KCNN2: variants seen among roughly 807,000 people sequenced by gnomAD.
The protein encoded by KCNN2 is small conductance calcium-activated potassium channel protein 2.
Under a neutral mutation model 55.5 loss-of-function variants are expected in KCNN2, and 24 were observed. The ratio of observed to expected loss-of-function variants is 0.43; its 90% CI spans 0.31 to 0.61. The LOEUF is 0.61. Ranked by LOEUF, KCNN2 falls within the 20% of genes least tolerant of loss-of-function variation. The pLI is 0.08. For synonymous variants in KCNN2, 431 were observed against 336.1 expected, an observed-to-expected ratio of 1.28 and a Z score of -3.09; for missense variants, 754 against 853.6, an observed-to-expected ratio of 0.88 and a Z score of 1.45.
chr5:114,160,114 C>A (rs542040979), intron 1 of KCNN2, among the ~76,000 whole-genome samples: 2 of 152,174 alleles, frequency 1.3e-5, no homozygotes, highest in Non-Finnish European at 2.9e-5. Flanking sequence ...AATTTTAGGT[C>A]TTTCCTGCTT....
At chr5:114,129,447 A>G (rs973306579) in intron 1 of KCNN2, among the ~76,000 whole-genome samples, 2 of 152,244 alleles carry the variant, frequency 1.3e-5, no homozygotes, top group Non-Finnish European at 2.9e-5. Context: ...ATAAGGTAAC[A>G]AGAAGAAAAA....
intron 2 of KCNN2, among the ~76,000 whole-genome samples, chr5:114,253,905 C>T (rs1377048827): frequency 2.6e-5 from 4 of 152,068 alleles, no homozygotes; most frequent in African/African-American, 9.7e-5. Context: ...CCTTATGATG[C>T]AATTAATCTG....
At chr5:114,319,923 A>G (rs1756580945) in intron 2 of KCNN2, among the ~76,000 whole-genome samples, 1 of 152,222 alleles carries the variant, frequency 6.6e-6, no homozygotes, top group Admixed American at 6.5e-5. Flanking sequence ...AGTCAAAGGA[A>G]GGAATCCAGT....
intron 1 of KCNN2, among the ~76,000 whole-genome samples, chr5:114,130,709 C>A (rs1304864030): frequency 1.3e-5 from 2 of 152,116 alleles, no homozygotes; most frequent in Admixed American, 6.6e-5. Flanking sequence ...AGGTTATATA[C>A]TTCATAATTT....
chr5:114,449,023 A>T (rs1760534500), intron 3 of KCNN2, among the ~76,000 whole-genome samples: 1 of 152,194 alleles, frequency 6.6e-6, no homozygotes, highest in Non-Finnish European at 1.5e-5. Context: ...TGGAGATTGA[A>T]GTGCTAGTGT....
At chr5:114,280,082 G>C (rs1414356323) in intron 2 of KCNN2, among the ~76,000 whole-genome samples, 1 of 152,118 alleles carries the variant, frequency 6.6e-6, no homozygotes, top group Non-Finnish European at 1.5e-5. Flanking sequence ...GTGTCTTTTG[G>C]CTGCATAAAT....
chr5:114,339,846 T>A (rs185323988), intron 2 of KCNN2, among the ~76,000 whole-genome samples: 8 of 151,328 alleles, frequency 5.3e-5, no homozygotes, highest in Admixed American at 2.6e-4. Context: ...AATAAATAAA[T>A]AAAAATGCAT....
chr5:114,410,987 G>T (rs1464171925), intron 3 of KCNN2, among the ~76,000 whole-genome samples: 7 of 152,060 alleles, frequency 4.6e-5, no homozygotes, highest in African/African-American at 1.7e-4. Flanking sequence ...AATACCTTTG[G>T]ATAATCTAAA....
chr5:114,094,896 A>G (rs1334707410), intron 1 of KCNN2, among the ~76,000 whole-genome samples: 1 of 152,028 alleles, frequency 6.6e-6, no homozygotes, highest in African/African-American at 2.4e-5. Flanking sequence ...TTATAATTCA[A>G]TCCTGCTTTT....
At chr5:114,104,014 T>G (rs571516407) in intron 1 of KCNN2, among the ~76,000 whole-genome samples, 24 of 152,278 alleles carry the variant, frequency 1.6e-4, no homozygotes, top group Non-Finnish European at 2.6e-4. Flanking sequence ...CAGCTCCTCT[T>G]TTTAGCTCTG....
intron 5 of KCNN2, among the ~76,000 whole-genome samples, chr5:114,474,593 T>A (rs1409440183): frequency 1.3e-5 from 2 of 152,164 alleles, no homozygotes; most frequent in Admixed American, 1.3e-4. Flanking sequence ...GAGATAAAAA[T>A]ATGTGCATAT....
chr5:114,137,808 A>G (rs1429998804), intron 1 of KCNN2, among the ~76,000 whole-genome samples: 1 of 152,148 alleles, frequency 6.6e-6, no homozygotes, highest in Non-Finnish European at 1.5e-5. Context: ...AGTGTAGAAA[A>G]TAATATTTTA....
At chr5:114,120,410 G>T (rs192039235) in intron 1 of KCNN2, among the ~76,000 whole-genome samples, 1 of 152,240 alleles carries the variant, frequency 6.6e-6, no homozygotes, top group East Asian at 1.9e-4. Flanking sequence ...GGTTTCTCTG[G>T]TTTTGAAACC....
At chr5:114,115,555 T>C (rs988191759) in intron 1 of KCNN2, among the ~76,000 whole-genome samples, 3 of 152,084 alleles carry the variant, frequency 2.0e-5, no homozygotes, top group African/African-American at 7.2e-5. Flanking sequence ...GATAGGGAAA[T>C]GTCAGATTCT....
intron 2 of KCNN2, among the ~76,000 whole-genome samples, chr5:114,345,073 A>G (rs537002993): frequency 6.6e-6 from 1 of 152,302 alleles, no homozygotes; most frequent in Non-Finnish European, 1.5e-5. Flanking sequence ...AACAACTTGA[A>G]TGTCCCAAAA....
At chr5:114,260,936 G>C (rs1755095701) in intron 2 of KCNN2, among the ~76,000 whole-genome samples, 1 of 152,052 alleles carries the variant, frequency 6.6e-6, no homozygotes, top group South Asian at 2.1e-4. Flanking sequence ...GAAGGAAGAG[G>C]AAAAAAGAAG....
At chr5:114,093,063 AG>A (rs1751179638) in intron 1 of KCNN2, among the ~76,000 whole-genome samples, 1 of 152,146 alleles carries the variant, frequency 6.6e-6, no homozygotes, top group Non-Finnish European at 1.5e-5. Flanking sequence ...TCACATTGTC[AG>A]GATGCAGATT....
chr5:114,362,860 T>C lies in KCNN2; in HGVS notation c.721T>C (p.Ser241Pro), dbSNP rs1757476663. 1 of 1,599,878 alleles carries C rather than the reference T, an allele frequency of 6.3e-7. No individual in the cohort carries two copies. Among genetic ancestry groups the C allele is most frequent in the Non-Finnish European group, 8.5e-7 (1 of 1,178,908 alleles). Residue 241 changes from serine to proline, a missense_variant, in exon 1 of 8, where the codon TCA becomes CCA. Physicochemically the swap from Ser to Pro is moderately conservative, Grantham distance 74 (BLOSUM62 -1). This residue lies in a region of KCNN2 where 381 missense variants were observed against 259.1 expected (regional missense o/e 1.47). Coordinates refer to ENST00000673685, the MANE Select transcript of KCNN2 (RefSeq NM_021614.4). ...CCGCCGGAACCTGCACGAGATGGAC[T>C]CAGAGGCGCAGCCCCTGCAGCCCCC... ...ASRRNLHEMD[S>P]EAQPLQPPAS...
In KCNN2 at chr5:114,172,330, T is replaced by A. The variant is rs112264909; in HGVS notation, c.-270-49150T>A. ...TTTCATTTCTAGGGTTTTTACCTTA[T>A]TTTTTGAAATTCTAAGAATTATACT... On this transcript the variant is annotated intron_variant, in intron 1 of 10. Transcript: ENST00000512097. Among the ~76,000 whole-genome samples, 819 of 152,008 alleles carry A rather than the reference T, an allele frequency of 5.4e-3. 5 individuals carry two copies. Among genetic ancestry groups the A allele is most frequent in the African/African-American group, 0.019 (776 of 41,542 alleles).
Sources: gnomAD v4.1 joint callset for allele counts (sites outside exome capture counted in the v4.1 genomes callset) on GRCh38, gnomAD v4.1.1 for gene constraint, gnomAD v4.1.1 regional missense constraint, MANE v1.5 for transcripts, NCBI Gene and HGNC (gene_info 2026-07-23, HGNC 2026-07-21) for gene names.